ULK4: variants seen among roughly 807,000 people sequenced by gnomAD.
ULK4 encodes the protein unc-51 like kinase 4.
In ULK4, 133 loss-of-function variants were observed where a neutral mutation model predicts 160.6. That is an observed-to-expected ratio of 0.83 (90% CI 0.72 to 0.96). The LOEUF is 0.96. Ranked by LOEUF, ULK4 falls within the 40% of genes least tolerant of loss-of-function variation. The pLI is 0.00. For synonymous variants in ULK4, 534 were observed against 539.8 expected, an observed-to-expected ratio of 0.99 and a Z score of 0.15; for missense variants, 1,580 against 1,499.5, an observed-to-expected ratio of 1.05 and a Z score of -0.89.
chr3:41,655,418 C>T (rs922499696), intron 30 of ULK4, among the ~76,000 whole-genome samples: 2 of 151,232 alleles, frequency 1.3e-5, no homozygotes, highest in African/African-American at 4.9e-5. Flanking sequence ...AGGAGATATA[C>T]CTAATGCTAA....
At chr3:41,671,983 A>G (rs776426792) in intron 29 of ULK4, among the ~76,000 whole-genome samples, 21 of 152,286 alleles carry the variant, frequency 1.4e-4, no homozygotes, top group African/African-American at 4.3e-4. Flanking sequence ...AAAATGCTCA[A>G]CATCACTTCA....
At chr3:41,378,869 G>A (rs995921636) in intron 35 of ULK4, among the ~76,000 whole-genome samples, 1 of 151,940 alleles carries the variant, frequency 6.6e-6, no homozygotes, top group African/African-American at 2.4e-5. Flanking sequence ...GGAATACTAT[G>A]CAGCCATAAA....
intron 31 of ULK4, among the ~76,000 whole-genome samples, chr3:41,589,251 TAC>T (rs1559416418): frequency 6.6e-6 from 1 of 151,956 alleles, no homozygotes; most frequent in East Asian, 1.9e-4. Context: ...CGGGAACCTA[TAC>T]AGAGTCCAGC....
At chr3:41,741,082 CCTT>C (rs1361136734) in intron 22 of ULK4, among the ~76,000 whole-genome samples, 1 of 151,764 alleles carries the variant, frequency 6.6e-6, no homozygotes, top group African/African-American at 2.4e-5. Flanking sequence ...CCCCTTAATC[CCTT>C]CTTAACCAAC....
chr3:41,783,810 A>G (rs1413973840), intron 21 of ULK4, among the ~76,000 whole-genome samples: 2 of 152,226 alleles, frequency 1.3e-5, no homozygotes. Context: ...CTCATCCAAT[A>G]TATTTCTCCC....
Position 41,907,890 on chromosome 3 carries a change from C to G in ULK4, c.1137G>C (p.Glu379Asp). 6.2e-7 allele frequency: 1 copy of G among 1,604,776 alleles called. No homozygotes were observed. Among genetic ancestry groups the G allele is most frequent in the Middle Eastern group, 1.7e-4 (1 of 5,942 alleles). The change falls in exon 12 of 37, where the codon GAG becomes GAC. Residue 379 changes from glutamate (E) to aspartate (D), a missense_variant. Physicochemically the swap from Glu to Asp is conservative, Grantham distance 45. Transcript: ENST00000301831. ...TCTGTGGTGAACAGTGAGTCATATC[C>G]TCACCAGGACTTACTTCCACTGCAG... ...TSTAVEVSPG[E>D]DMTHCSPQKT...
At chr3:41,663,148 G>A (rs1296631386) in intron 30 of ULK4, among the ~76,000 whole-genome samples, 3 of 151,904 alleles carry the variant, frequency 2.0e-5, no homozygotes, top group Non-Finnish European at 4.4e-5. Flanking sequence ...TTGAACCCAG[G>A]AGGTGGAGGT....
chr3:41,676,594 TAA>T (rs76058087), intron 29 of ULK4, among the ~76,000 whole-genome samples: 9 of 147,848 alleles, frequency 6.1e-5, no homozygotes, highest in African/African-American at 2.2e-4. Context: ...CTTCTTCAGT[TAA>T]AAAAAAAAAA....
intron 27 of ULK4, among the ~76,000 whole-genome samples, chr3:41,684,079 C>T (rs1365982859): frequency 6.6e-6 from 1 of 152,168 alleles, no homozygotes; most frequent in Non-Finnish European, 1.5e-5. Context: ...AGAGGATTTA[C>T]CTACGCTTCC....
intron 4 of ULK4, among the ~76,000 whole-genome samples, chr3:41,935,127 C>G (rs1699720859): frequency 6.7e-6 from 1 of 149,742 alleles, no homozygotes; most frequent in African/African-American, 2.5e-5. Flanking sequence ...GCAATTCTCC[C>G]TGCCTCGGCC....
chr3:41,697,463 A>G (rs1351937659), intron 27 of ULK4, among the ~76,000 whole-genome samples: 1 of 152,218 alleles, frequency 6.6e-6, no homozygotes, highest in Non-Finnish European at 1.5e-5. Flanking sequence ...ATAAGGACAT[A>G]AAGAAAATAT....
chr3:41,507,845 C>T (rs1430615986), intron 32 of ULK4, among the ~76,000 whole-genome samples: 1 of 152,164 alleles, frequency 6.6e-6, no homozygotes, highest in Non-Finnish European at 1.5e-5. Flanking sequence ...GCAGCTCCCA[C>T]TAGAACAGAC....
At chr3:41,525,543 C>T (rs1009817232) in intron 32 of ULK4, among the ~76,000 whole-genome samples, 1 of 152,170 alleles carries the variant, frequency 6.6e-6, no homozygotes, top group African/African-American at 2.4e-5. Context: ...GGGCATAGTT[C>T]CTGTAAAACA....
chr3:41,515,609 G>T (rs75729633), intron 32 of ULK4, among the ~76,000 whole-genome samples: 1 of 152,126 alleles, frequency 6.6e-6, no homozygotes, highest in South Asian at 2.1e-4. Flanking sequence ...AAACAAACAC[G>T]TCCTTCTTCA....
At chr3:41,786,042 G>A (rs2039988367) in intron 21 of ULK4, among the ~76,000 whole-genome samples, 1 of 152,122 alleles carries the variant, frequency 6.6e-6, no homozygotes, top group South Asian at 2.1e-4. Flanking sequence ...TTCCCTGACT[G>A]TTCTCCAACC....
At position 41,563,973 on chromosome 3, in the gene ULK4, C is replaced by G. The variant is rs150194087; in HGVS notation, c.3226+2052G>C. Among the ~76,000 whole-genome samples the G allele has an allele frequency of 8.5e-5, 13 of 152,310 alleles. No homozygotes were observed. The East Asian group carries it at 2.5e-3, about 29-fold the overall frequency. ...TTTTAGAATTTTCAGCTTTTCTGCT[C>G]TGGTTTCTCCCCATCTTTGTGGTTT... is the stretch of plus-strand genomic sequence containing the variant. On this transcript the variant is annotated intron_variant, in intron 32 of 36. Transcript: ENST00000301831.
chr3:41,951,249 T>C (rs1485574241), intron 2 of ULK4, among the ~76,000 whole-genome samples: 1 of 148,820 alleles, frequency 6.7e-6, no homozygotes, highest in Non-Finnish European at 1.5e-5. Context: ...ATTCAAATAC[T>C]ACCCAAAATC....
chr3:41,266,626 TAAG>T (rs1392106455), intron 35 of ULK4, among the ~76,000 whole-genome samples: 1 of 152,146 alleles, frequency 6.6e-6, no homozygotes, highest in African/African-American at 2.4e-5. Flanking sequence ...CTTGGAAGCC[TAAG>T]AAGATTATCC....
In ULK4 at chr3:41,349,905, G is replaced by A. The variant is rs150065586; in HGVS notation, c.3678+48174C>T. 1.0e-2 allele frequency among the ~76,000 whole-genome samples: 1,514 copies of A among 152,120 alleles called. 20 individuals carry two copies. The highest frequency in any genetic ancestry group is 0.034 in the African/African-American group (1,422 of 41,492). On this transcript the variant is annotated intron_variant, in intron 35 of 36. Coordinates refer to ENST00000301831, the MANE Select transcript of ULK4 (RefSeq NM_017886.4). ...TCACCATAGCACCACTATGAAGGCC[G>A]CACACATCTTTCTGAAAAAGAAGAT...
Sources: gnomAD v4.1 joint callset for allele counts (sites outside exome capture counted in the v4.1 genomes callset) on GRCh38, gnomAD v4.1.1 for gene constraint, MANE v1.5 for transcripts, NCBI Gene and HGNC (gene_info 2026-07-23, HGNC 2026-07-21) for gene names.